The following CAPZB variants were observed in gnomAD, a reference collection of about 807,000 sequenced individuals.
The protein encoded by CAPZB is F-actin-capping protein subunit beta.
CAPZB carries 2 observed loss-of-function variants against 38.1 expected under a neutral mutation model. That is an observed-to-expected ratio of 0.05 (90% CI 0.02 to 0.17). CAPZB has a LOEUF of 0.17. Among genes scored for constraint, CAPZB ranks in the 10% least tolerant of loss-of-function variants. The probability of loss-of-function intolerance (pLI) is 1.00; values close to 1 mark genes in which losing one functional copy is unlikely to be tolerated. For missense variants in CAPZB, 161 were observed against 334.2 expected, an observed-to-expected ratio of 0.48 and a Z score of 4.04; for synonymous variants, 107 against 127.4, an observed-to-expected ratio of 0.84 and a Z score of 1.08.
rs182069850 is a variant in CAPZB, at chr1:19,421,788, G to A, written c.4-2038C>T. Among the ~76,000 whole-genome samples the A allele has an allele frequency of 2.0e-5, 3 of 152,238 alleles. No individual in the cohort carries two copies. In the East Asian group the frequency reaches 5.8e-4, roughly 29 times the overall value. The stretch of plus-strand genomic sequence containing the variant: ...TCTCTATTTATTTATCCATAAAATG[G>A]GAACACAGTATCTTCCTTAGAGAGT... On this transcript the variant is annotated intron_variant, in intron 1 of 8. Coordinates refer to ENST00000264202, the MANE Select transcript of CAPZB (RefSeq NM_004930.5).
At chr1:19,411,090 T>C (rs543730917) in intron 2 of CAPZB, among the ~76,000 whole-genome samples, 1 of 152,260 alleles carries the variant, frequency 6.6e-6, no homozygotes, top group East Asian at 1.9e-4. Flanking sequence ...ACACCTATAA[T>C]CCCAGAACTT....
At chr1:19,340,459 A>T (rs1288331275) in intron 8 of CAPZB, among the ~76,000 whole-genome samples, 2 of 152,268 alleles carry the variant, frequency 1.3e-5, no homozygotes, top group Non-Finnish European at 2.9e-5. Flanking sequence ...ATGAAGGCTT[A>T]TGGAGATTTC....
intron 1 of CAPZB, among the ~76,000 whole-genome samples, chr1:19,465,691 T>A (rs1178239451): frequency 6.6e-6 from 1 of 152,146 alleles, no homozygotes; most frequent in Non-Finnish European, 1.5e-5. Context: ...TGAAAACCTC[T>A]GGATCTAACC....
At chr1:19,358,849 G>A (rs2100326713) in intron 4 of CAPZB, among the ~76,000 whole-genome samples, 2 of 152,288 alleles carry the variant, frequency 1.3e-5, no homozygotes, top group Admixed American at 1.3e-4. Flanking sequence ...CCTCAGCCCT[G>A]GACAGCTGGG....
intron 4 of CAPZB, among the ~76,000 whole-genome samples, chr1:19,371,506 A>G (rs2094119378): frequency 6.6e-6 from 1 of 152,210 alleles, no homozygotes; most frequent in East Asian, 1.9e-4. Context: ...AGGCTCAGAG[A>G]GGTTAACTCA....
intron 4 of CAPZB, among the ~76,000 whole-genome samples, chr1:19,374,748 C>G (rs1485343952): frequency 1.3e-5 from 2 of 152,224 alleles, no homozygotes; most frequent in East Asian, 3.9e-4. Context: ...GGTGACCAAG[C>G]CAGCAGACGG....
chr1:19,436,694 T>C (rs2094459312), intron 1 of CAPZB, among the ~76,000 whole-genome samples: 1 of 152,208 alleles, frequency 6.6e-6, no homozygotes, highest in Non-Finnish European at 1.5e-5. Context: ...CTGCTATACA[T>C]ACATTATACT....
At chr1:19,447,995 G>C (rs891364774) in intron 1 of CAPZB, among the ~76,000 whole-genome samples, 1 of 152,326 alleles carries the variant, frequency 6.6e-6, no homozygotes, top group South Asian at 2.1e-4. Context: ...GGCGGAGGGA[G>C]GGCTTACTCG....
At chr1:19,418,426 T>C (rs948703776) in intron 2 of CAPZB, among the ~76,000 whole-genome samples, 2 of 152,170 alleles carry the variant, frequency 1.3e-5, no homozygotes, top group African/African-American at 4.8e-5. Flanking sequence ...ACAACTATGT[T>C]ACTACCCCCC....
At chr1:19,460,430 C>T (rs2094547316) in intron 1 of CAPZB, among the ~76,000 whole-genome samples, 3 of 152,190 alleles carry the variant, frequency 2.0e-5, no homozygotes, top group African/African-American at 7.2e-5. Flanking sequence ...GTGCCCGCCA[C>T]CGCGCCCGGC....
chr1:19,411,309 C>T (rs537352756), intron 2 of CAPZB, among the ~76,000 whole-genome samples: 1 of 152,102 alleles, frequency 6.6e-6, no homozygotes, highest in Admixed American at 6.5e-5. Context: ...TGAGACCAAA[C>T]AAAAAATACT....
intron 4 of CAPZB, among the ~76,000 whole-genome samples, chr1:19,363,397 G>C (rs1460469293): frequency 6.6e-6 from 1 of 151,288 alleles, no homozygotes; most frequent in East Asian, 2.0e-4. Flanking sequence ...CCTAAACGTG[G>C]ATCAGCTAAA....
rs1025858391 is a variant in CAPZB, at chr1:19,485,441, TGGCGGC to T, written c.-9_-4del. ...GGGGGCCGTGCGGCCTTTACCATGG[TGGCGGC>T]GGCGGCGGCGGTCCCGGTCCCGGCG... On this transcript the variant is annotated 5_prime_UTR_variant, in exon 1 of 9. Coordinates refer to ENST00000264202, the MANE Select transcript of CAPZB (RefSeq NM_004930.5). 2.4e-6 allele frequency: 3 copies of T among 1,228,520 alleles called. No homozygotes were observed. The highest frequency in any genetic ancestry group is 3.0e-6 in the Non-Finnish European group (3 of 986,154). 76.1% of individuals were successfully genotyped at this position (1,228,520 alleles called of 1,614,324 possible). A position where few individuals can be genotyped will look rare whatever the true frequency, so the allele number is the denominator to read the frequency against.
At chr1:19,377,888 G>A (rs182303537) in intron 4 of CAPZB, among the ~76,000 whole-genome samples, 6 of 152,270 alleles carry the variant, frequency 3.9e-5, no homozygotes, top group Admixed American at 2.0e-4. Flanking sequence ...GGAAGGTGCC[G>A]AGGCCACAAA....
rs1245833453 is a variant in CAPZB, at chr1:19,395,644, G to C, written c.94-10018C>G. On this transcript the variant is annotated intron_variant, in intron 2 of 8. Transcript: ENST00000264202. The stretch of plus-strand genomic sequence containing the variant: ...TCCTGTTGTCCACATGTAACCTTAA[G>C]CTTCCCTGAAGGGGATGAACCAGGC... Among the ~76,000 whole-genome samples the C allele has an allele frequency of 2.0e-5, 3 of 152,230 alleles. No individual in the cohort carries two copies. The East Asian group carries it at 5.8e-4, about 29-fold the overall frequency.
In CAPZB at chr1:19,370,340, C is replaced by T. The variant is rs185270585; in HGVS notation, c.329+8200G>A. On this transcript the variant is annotated intron_variant, in intron 4 of 8. Transcript: ENST00000264202. ...CTCACGGAATGTGGCACAAAGTTGC[C>T]CTCGGGGCCAAGGGTTATTGAAGGG... is the stretch of plus-strand genomic sequence containing the variant. 6.1e-3 allele frequency among the ~76,000 whole-genome samples: 928 copies of T among 152,304 alleles called. 4 individuals carry two copies. The highest frequency in any genetic ancestry group is 0.01 in the Non-Finnish European group (686 of 68,030).
intron 1 of CAPZB, chr1:19,484,675 G>A (rs1350185071): frequency 4.3e-6 from 5 of 1,149,600 alleles, no homozygotes; most frequent in Middle Eastern, 4.0e-4. Flanking sequence ...AGGGGACCCT[G>A]GGTCGTGCAC....
intron 4 of CAPZB, among the ~76,000 whole-genome samples, chr1:19,364,404 G>C (rs1246287465): frequency 6.6e-6 from 1 of 152,180 alleles, no homozygotes; most frequent in African/African-American, 2.4e-5. Context: ...TTACATTCCT[G>C]AGGCAAACAT....
At position 19,367,691 on chromosome 1, in the gene CAPZB, G is replaced by A. The variant is rs192719280; in HGVS notation, c.330-10128C>T. 3.0e-3 allele frequency among the ~76,000 whole-genome samples: 460 copies of A among 152,290 alleles called. 3 individuals are homozygous for A. Among genetic ancestry groups the A allele is most frequent in the Non-Finnish European group, 5.1e-3 (350 of 68,022 alleles). On this transcript the variant is annotated intron_variant, in intron 4 of 8. Coordinates refer to ENST00000264202, the MANE Select transcript of CAPZB (RefSeq NM_004930.5). Reference sequence around the variant, plus strand: ...GTACACACAGGTGCAACAATCCCCCGAGTCAACATACCAATCAGCTTAGGC... The same window carrying A: ...GTACACACAGGTGCAACAATCCCCCAAGTCAACATACCAATCAGCTTAGGC...
Sources: gnomAD v4.1 joint callset for allele counts (sites outside exome capture counted in the v4.1 genomes callset) on GRCh38, gnomAD v4.1.1 for gene constraint, MANE v1.5 for transcripts, NCBI Gene and HGNC (gene_info 2026-07-23, HGNC 2026-07-21) for gene names.